LRRIQ1: variants seen among roughly 807,000 people sequenced by gnomAD.
The protein encoded by LRRIQ1 is leucine rich repeats and IQ motif containing 1, also known as leucine-rich repeat- and IQ domain-containing protein 1.
In LRRIQ1, 210 loss-of-function variants were observed where a neutral mutation model predicts 211.9. That is an observed-to-expected ratio of 0.99 (90% CI 0.89 to 1.11). The LOEUF (loss-of-function observed/expected upper bound fraction) is 1.11, where lower values mean the gene tolerates loss of function less well. LRRIQ1 is among the 50% of genes most tolerant of loss of function. The probability of loss-of-function intolerance (pLI) is 0.00; values close to 1 mark genes in which losing one functional copy is unlikely to be tolerated. For missense variants in LRRIQ1, 2,136 were observed against 1,939.5 expected, an observed-to-expected ratio of 1.10 and a Z score of -1.90; for synonymous variants, 699 against 650.1, an observed-to-expected ratio of 1.08 and a Z score of -1.14.
At chr12:85,237,994 G>C (rs1360588936) in intron 26 of LRRIQ1, among the ~76,000 whole-genome samples, 2 of 152,048 alleles carry the variant, frequency 1.3e-5, no homozygotes, top group Admixed American at 1.3e-4. Flanking sequence ...TTGCCTGCAA[G>C]TTATAACATC....
At chr12:85,181,116 TGAA>T in intron 24 of LRRIQ1, among the ~76,000 whole-genome samples, 1 of 151,988 alleles carries the variant, frequency 6.6e-6, no homozygotes, top group African/African-American at 2.4e-5. Flanking sequence ...TACTATCCCT[TGAA>T]CTTAGGTAGC....
downstream of LRRIQ1, among the ~76,000 whole-genome samples, chr12:85,267,179 T>C (rs951879329): frequency 1.3e-5 from 2 of 152,124 alleles, no homozygotes; most frequent in Non-Finnish European, 2.9e-5. Context: ...AGGATAGATC[T>C]AGATCAGCAT....
intron 1 of LRRIQ1, among the ~76,000 whole-genome samples, chr12:85,250,786 T>A (rs1429375217): frequency 9.2e-6 from 1 of 108,428 alleles, no homozygotes; most frequent in East Asian, 2.4e-4. Flanking sequence ...ATATATATAT[T>A]ATATTATAGA....
chr12:85,096,670 G>T (rs1316748241), intron 11 of LRRIQ1, among the ~76,000 whole-genome samples: 1 of 152,124 alleles, frequency 6.6e-6, no homozygotes, highest in Non-Finnish European at 1.5e-5. Context: ...ACACCTATTA[G>T]TTCCAGTTGC....
rs935923991 is a variant in LRRIQ1, at chr12:85,098,404, T to C, written c.2937T>C (p.Asn979=). The change falls in exon 12 of 27, where the codon AAT becomes AAC. Residue 979 remains asparagine (N), a synonymous_variant. Transcript: ENST00000393217. ...TTCAACAACTAATTTTGGACCACAATCAGTTAATTAATACAAAAGGTCTTT... is the reference window on the plus strand; with the variant it reads ...TTCAACAACTAATTTTGGACCACAACCAGTTAATTAATACAAAAGGTCTTT... ...KNLQQLILDH[N]QLINTKGLCD... is the part of the protein sequence containing the mutation. 6.2e-7 allele frequency: 1 copy of C among 1,609,978 alleles called. No homozygotes were observed. Among genetic ancestry groups the C allele is most frequent in the African/African-American group, 1.3e-5 (1 of 74,778 alleles).
At chr12:85,215,381 G>A (rs1171758782) in intron 24 of LRRIQ1, among the ~76,000 whole-genome samples, 1 of 152,080 alleles carries the variant, frequency 6.6e-6, no homozygotes, top group Non-Finnish European at 1.5e-5. Context: ...TCAGGGGTAC[G>A]TGTGCCGGTT....
chr12:85,069,627 G>A (rs1377244861), intron 10 of LRRIQ1, among the ~76,000 whole-genome samples: 3 of 151,770 alleles, frequency 2.0e-5, no homozygotes, highest in Non-Finnish European at 4.4e-5. Context: ...TTTAATGATT[G>A]CCATTCTAAC....
chr12:85,145,362 C>T (rs1889820365), intron 19 of LRRIQ1, among the ~76,000 whole-genome samples: 1 of 151,542 alleles, frequency 6.6e-6, no homozygotes, highest in Admixed American at 6.6e-5. Flanking sequence ...TGATTTGTTG[C>T]CTCTCTGAAA....
chr12:85,075,958 A>T (rs1410599561), intron 11 of LRRIQ1, among the ~76,000 whole-genome samples: 1 of 152,130 alleles, frequency 6.6e-6, no homozygotes, highest in African/African-American at 2.4e-5. Flanking sequence ...TAGAGACAGG[A>T]TTTGAAACTC....
At chr12:85,127,478 A>G (rs1389655492) in intron 17 of LRRIQ1, among the ~76,000 whole-genome samples, 1 of 152,168 alleles carries the variant, frequency 6.6e-6, no homozygotes, top group African/African-American at 2.4e-5. Context: ...CCAAGTAAAC[A>G]TTGGCTCCTA....
chr12:85,170,933 A>G (rs1036131716), intron 24 of LRRIQ1, among the ~76,000 whole-genome samples: 10 of 152,254 alleles, frequency 6.6e-5, no homozygotes, highest in African/African-American at 1.9e-4. Context: ...ATCATCTCCA[A>G]AAATAGATAA....
At chr12:85,146,738 G>C (rs1254739699) in intron 19 of LRRIQ1, among the ~76,000 whole-genome samples, 1 of 151,704 alleles carries the variant, frequency 6.6e-6, no homozygotes, top group Non-Finnish European at 1.5e-5. Flanking sequence ...CATCTTGAAA[G>C]TTCAGGAACA....
At chr12:85,172,106 A>G (rs992331938) in intron 24 of LRRIQ1, among the ~76,000 whole-genome samples, 9 of 152,170 alleles carry the variant, frequency 5.9e-5, no homozygotes, top group African/African-American at 9.6e-5. Context: ...CTGGACAGCT[A>G]CAAGGAAGAA....
At chr12:85,244,732 T>C in intron 26 of LRRIQ1, 57 bp from the exon 27 acceptor site, 1 of 1,483,546 alleles carries the variant, frequency 6.7e-7, no homozygotes, top group Non-Finnish European at 9.4e-7. Flanking sequence ...TGAGCTGCAT[T>C]CAGAAAATGC....
chr12:85,238,492 A>G (rs1298989995), intron 26 of LRRIQ1, among the ~76,000 whole-genome samples: 1 of 152,144 alleles, frequency 6.6e-6, no homozygotes, highest in Non-Finnish European at 1.5e-5. Context: ...TAAAGTATAC[A>G]TGATATACAG....
chr12:85,057,176 T>A lies in LRRIQ1; in HGVS notation c.2383T>A (p.Leu795Ile), dbSNP rs941406807. 1.4e-6 allele frequency: 2 copies of A among 1,439,730 alleles called. No individual in the cohort carries two copies. Among genetic ancestry groups the A allele is most frequent in the Non-Finnish European group, 1.8e-6 (2 of 1,084,198 alleles). 89.2% of individuals were successfully genotyped at this position (1,439,730 alleles called of 1,614,324 possible). A position where few individuals can be genotyped will look rare whatever the true frequency, so the allele number is the denominator to read the frequency against. Residue 795 changes from leucine (L) to isoleucine (I), a missense_variant, in exon 8 of 27, where the codon TTA becomes ATA. By Grantham distance (5) the Leu-to-Ile change is conservative. Coordinates refer to ENST00000393217, the MANE Select transcript of LRRIQ1 (RefSeq NM_001079910.2). Reference sequence around the variant, plus strand: ...TCTTCGATGTGGCCCTTGGGATACTTTACAGCAGGTATTTCTAATTTTATA... The same window carrying A: ...TCTTCGATGTGGCCCTTGGGATACTATACAGCAGGTATTTCTAATTTTATA... ...EILRCGPWDT[L>I]QQVTTVTFQD...
intron 6 of LRRIQ1, among the ~76,000 whole-genome samples, chr12:85,051,657 A>G (rs17012522): frequency 0.22 from 33,380 of 152,098 alleles, 4,341 homozygotes; most frequent in Admixed American, 0.31. Context: ...GGTAATGTGT[A>G]AATTTATGAT....
chr12:85,201,182 T>C (rs1893272434), intron 24 of LRRIQ1, among the ~76,000 whole-genome samples: 1 of 151,830 alleles, frequency 6.6e-6, no homozygotes, highest in African/African-American at 2.4e-5. Flanking sequence ...AGTATTTTGT[T>C]GAGGATTTTT....
chr12:85,113,500 G>T (rs191308682), intron 15 of LRRIQ1, among the ~76,000 whole-genome samples: 1 of 151,670 alleles, frequency 6.6e-6, no homozygotes, highest in Non-Finnish European at 1.5e-5. Context: ...TTTTTGCTTC[G>T]GTTACATAGT....
Sources: allele counts gnomAD v4.1 joint callset (sites outside exome capture counted in the v4.1 genomes callset), GRCh38; gene constraint gnomAD v4.1.1; transcripts MANE v1.5; gene names NCBI Gene and HGNC (gene_info 2026-07-23, HGNC 2026-07-21).